GFRA2: variants seen among roughly 807,000 people sequenced by gnomAD.
The protein encoded by GFRA2 is GDNF family receptor alpha-2.
Under a neutral mutation model 48.3 loss-of-function variants are expected in GFRA2, and 17 were observed. The observed-to-expected ratio is 0.35, with a 90% CI of 0.24 to 0.53. The LOEUF is 0.53. GFRA2 is among the 20% of genes least tolerant of loss of function. The probability of loss-of-function intolerance (pLI) is 0.93; values close to 1 mark genes in which losing one functional copy is unlikely to be tolerated. For missense variants in GFRA2, 660 were observed against 637.3 expected (o/e 1.04, Z -0.38); for synonymous variants, 305 against 257.2 (o/e 1.19, Z -1.78).
chr8:21,782,233 G>A (rs1022567694), intron 2 of GFRA2, among the ~76,000 whole-genome samples: 10 of 151,688 alleles, frequency 6.6e-5, no homozygotes, highest in Non-Finnish European at 1.3e-4. Flanking sequence ...ACTTCACACC[G>A]TCCTTGCTTG....
chr8:21,774,433 G>C (rs1383291436), intron 3 of GFRA2, among the ~76,000 whole-genome samples: 1 of 133,558 alleles, frequency 7.5e-6, no homozygotes, highest in Non-Finnish European at 1.7e-5. Flanking sequence ...GAGCCCTCAA[G>C]AGAGAGGGAA....
chr8:21,714,843 G>C (rs576394367), intron 4 of GFRA2, among the ~76,000 whole-genome samples: 2 of 152,202 alleles, frequency 1.3e-5, no homozygotes, highest in South Asian at 4.2e-4. Context: ...CTGACACAAA[G>C]GAATGGGGCA....
At chr8:21,801,130 C>T (rs1662560620) in intron 2 of GFRA2, among the ~76,000 whole-genome samples, 1 of 151,998 alleles carries the variant, frequency 6.6e-6, no homozygotes, top group African/African-American at 2.4e-5. Flanking sequence ...ATCCCATCAG[C>T]CCTGAGGAAG....
chr8:21,759,464 G>GAA (rs1805772404), intron 3 of GFRA2, among the ~76,000 whole-genome samples: 3 of 109,152 alleles, frequency 2.7e-5, no homozygotes, highest in African/African-American at 4.0e-5. Context: ...GAGGGAGGGA[G>GAA]GGAGGGAGGG....
intron 4 of GFRA2, among the ~76,000 whole-genome samples, chr8:21,711,688 CT>C (rs1198915473): frequency 0.015 from 1,999 of 132,320 alleles, 23 homozygotes; most frequent in African/African-American, 0.045. Context: ...AACAGTTTTT[CT>C]TTTTTTTTTT....
chr8:21,709,151 C>A (rs1802891959), intron 4 of GFRA2, among the ~76,000 whole-genome samples: 1 of 152,176 alleles, frequency 6.6e-6, no homozygotes, highest in Non-Finnish European at 1.5e-5. Flanking sequence ...CAAAGGGCAT[C>A]CAAGCACCAG....
chr8:21,710,539 C>T (rs73669521), intron 4 of GFRA2, among the ~76,000 whole-genome samples: 1,645 of 152,290 alleles, frequency 0.011, 27 homozygotes, highest in African/African-American at 0.037. Context: ...CTGACCCCAC[C>T]GTCCTTCTCC....
chr8:21,706,345 G>A (rs1442504485), intron 4 of GFRA2: 3 of 518,878 alleles, frequency 5.8e-6, no homozygotes, highest in Non-Finnish European at 1.1e-5. Context: ...GCTCTTTTAG[G>A]CTGGAGCCGG....
At position 21,782,814 on chromosome 8, in the gene GFRA2, C is replaced by T. The variant is rs1807076967; in HGVS notation, c.126G>A (p.Arg42=). 8.2e-6 allele frequency: 13 copies of T among 1,576,636 alleles called. No homozygotes were observed. The highest frequency in any genetic ancestry group is 1.1e-5 in the Non-Finnish European group (13 of 1,167,106). Residue 42 remains arginine, a synonymous_variant, in exon 2 of 9, where the codon CGG becomes CGA. Coordinates refer to ENST00000524240, the MANE Select transcript of GFRA2 (RefSeq NM_001495.5). ...HGWRPPVDCV[R]ANELCAAESN... ...ATTCGGCGGCACACAGCTCATTGGCCCGGACACAGTCCACTGGGGGGCGCC... is the reference window on the plus strand; with the variant it reads ...ATTCGGCGGCACACAGCTCATTGGCTCGGACACAGTCCACTGGGGGGCGCC...
intron 3 of GFRA2, among the ~76,000 whole-genome samples, chr8:21,763,193 T>C (rs903247045): frequency 1.3e-5 from 2 of 152,208 alleles, no homozygotes; most frequent in African/African-American, 4.8e-5. Context: ...TCTAAAACCA[T>C]GAAAAATAAT....
At position 21,787,269 on chromosome 8, in the gene GFRA2, GGGC is replaced by G. The variant is rs1585344017; in HGVS notation, c.40+848_40+850del. Among the ~76,000 whole-genome samples, 5 of 148,794 alleles carry G rather than the reference GGGC, an allele frequency of 3.4e-5. No homozygotes were observed. The East Asian group carries it at 6.1e-4, about 18-fold the overall frequency. On this transcript the variant is annotated intron_variant, in intron 1 of 8. Coordinates refer to ENST00000524240, the MANE Select transcript of GFRA2 (RefSeq NM_001495.5). ...CTCCCTGTCTTGGAGGCGGCGGGGG[GGGC>G]AGTGGGGGGGGTTTGCAGAAGGAGC... is the stretch of plus-strand genomic sequence containing the variant.
chr8:21,693,345 G>C lies in GFRA2; in HGVS notation c.1328C>G (p.Pro443Arg). The change falls in exon 9 of 9, where the codon CCC (proline) becomes CGC (arginine). Residue 443 changes from proline to arginine, a missense_variant. Pro to Arg is a moderately radical substitution (Grantham distance 103). Coordinates refer to ENST00000524240, the MANE Select transcript of GFRA2 (RefSeq NM_001495.5). ...SNKVIKPNSG[P>R]SRARPSAALT... is the part of the protein sequence containing the mutation. ...GGCAGCCGACGGTCTGGCTCTGCTG[G>C]GGCCTGAGTTAGGTTTGATCACCTT... is the stretch of plus-strand genomic sequence containing the variant. 2 of 1,613,446 alleles carry C rather than the reference G, an allele frequency of 1.2e-6. No homozygotes were observed. The highest frequency in any genetic ancestry group is 1.7e-6 in the Non-Finnish European group (2 of 1,179,668).
intron 3 of GFRA2, among the ~76,000 whole-genome samples, chr8:21,766,681 G>C (rs1195804661): frequency 9.6e-6 from 1 of 104,596 alleles, no homozygotes; most frequent in Non-Finnish European, 2.0e-5. Flanking sequence ...AGGGGCCTGG[G>C]GGGTCATTCC....
upstream of GFRA2, among the ~76,000 whole-genome samples, chr8:21,793,022 G>A (rs1431929005): frequency 6.6e-6 from 1 of 152,054 alleles, no homozygotes; most frequent in African/African-American, 2.4e-5. Flanking sequence ...AGTCGAGATG[G>A]CACCACTGCA....
chr8:21,771,261 C>G (rs1305172679), intron 3 of GFRA2, among the ~76,000 whole-genome samples: 1 of 152,170 alleles, frequency 6.6e-6, no homozygotes, highest in Non-Finnish European at 1.5e-5. Context: ...GGCTCAAGGC[C>G]CGTGCTCTTC....
At chr8:21,789,491 G>C, upstream of GFRA2, among the ~76,000 whole-genome samples, 1 of 151,954 alleles carries the variant, frequency 6.6e-6, no homozygotes, top group East Asian at 2.0e-4. Flanking sequence ...CGGTGGCCCG[G>C]GTCTGAGGGG....
intron 1 of GFRA2, among the ~76,000 whole-genome samples, chr8:21,810,074 C>G (rs1244133061): frequency 6.6e-6 from 1 of 152,200 alleles, no homozygotes; most frequent in Non-Finnish European, 1.5e-5. Flanking sequence ...TGGTCTCTCA[C>G]CAGCTCAGCT....
At chr8:21,723,227 T>C (rs1002473103) in intron 4 of GFRA2, among the ~76,000 whole-genome samples, 1 of 152,222 alleles carries the variant, frequency 6.6e-6, no homozygotes, top group Non-Finnish European at 1.5e-5. Context: ...AGACTCTTAG[T>C]TCATCAAGAG....
At chr8:21,734,641 A>G (rs1374612952) in intron 4 of GFRA2, among the ~76,000 whole-genome samples, 1 of 152,252 alleles carries the variant, frequency 6.6e-6, no homozygotes, top group Non-Finnish European at 1.5e-5. Flanking sequence ...GCCCTGTGCC[A>G]TGGAAGCTGC....
Sources: allele counts gnomAD v4.1 joint callset (sites outside exome capture counted in the v4.1 genomes callset), GRCh38; gene constraint gnomAD v4.1.1; transcripts MANE v1.5; gene names NCBI Gene and HGNC (gene_info 2026-07-23, HGNC 2026-07-21).